COX10: variants seen among roughly 807,000 people sequenced by gnomAD.
COX10 encodes cytochrome c oxidase assembly factor heme A:farnesyltransferase COX10.
In COX10, 27 loss-of-function variants were observed where a neutral mutation model predicts 37.3. The observed-to-expected ratio is 0.72, with a 90% CI of 0.53 to 1.00. The LOEUF is 1.00. COX10 is among the 50% of genes least tolerant of loss of function. The pLI is 0.00. For synonymous variants in COX10, 222 were observed against 229.1 expected (o/e 0.97, Z 0.28); for missense variants, 475 against 563.2 (o/e 0.84, Z 1.59).
At chr17:14,124,527 G>C (rs745431532) in intron 4 of COX10, among the ~76,000 whole-genome samples, 21 of 151,980 alleles carry the variant, frequency 1.4e-4, no homozygotes, top group Non-Finnish European at 2.4e-4. Context: ...GTGCTTTTTT[G>C]GTAAATGTTT....
intron 4 of COX10, among the ~76,000 whole-genome samples, chr17:14,154,288 A>G (rs1399301412): frequency 6.6e-6 from 1 of 152,196 alleles, no homozygotes; most frequent in Non-Finnish European, 1.5e-5. Context: ...TGTCGATTAT[A>G]CCTTAATGAA....
Position 14,069,814 on chromosome 17 carries a change from T to C in COX10, c.43+166T>C, listed in dbSNP as rs2302107. Among the ~76,000 whole-genome samples the C allele has an allele frequency of 0.24, 35,986 of 151,994 alleles. 4,427 individuals are homozygous for C. Among genetic ancestry groups the C allele is most frequent in the Non-Finnish European group, 0.26 (17,928 of 67,942 alleles). On this transcript the variant is annotated intron_variant, in intron 1 of 6. Transcript: ENST00000261643. Reference sequence around the variant, plus strand: ...TCTGGAGTAGCTTGGAGTGAAGAGGTCACGGAGCTAGGGTCCAGTCTTGCA... The same window carrying C: ...TCTGGAGTAGCTTGGAGTGAAGAGGCCACGGAGCTAGGGTCCAGTCTTGCA...
At chr17:14,116,978 A>G (rs1597507111) in intron 4 of COX10, among the ~76,000 whole-genome samples, 1 of 152,210 alleles carries the variant, frequency 6.6e-6, no homozygotes, top group African/African-American at 2.4e-5. Flanking sequence ...ACACTGGTCA[A>G]CACATTCTTT....
chr17:14,074,272 A>T, intron 1 of COX10, 51 bp from the exon 2 acceptor site: 1 of 1,611,340 alleles, frequency 6.2e-7, no homozygotes, highest in Non-Finnish European at 8.5e-7. Flanking sequence ...TCATCATTTG[A>T]TAAGAAGTAC....
chr17:14,102,088 CAGT>C, intron 3 of COX10, 27 bp from the exon 4 acceptor site: 4 of 1,613,204 alleles, frequency 2.5e-6, no homozygotes, highest in Non-Finnish European at 2.5e-6. Context: ...CTGTTGGTAA[CAGT>C]GTGTCTGCTC....
Position 14,186,654 on chromosome 17 carries a change from A to G in COX10, c.696-5335A>G, listed in dbSNP as rs144939509. 6.4e-3 allele frequency among the ~76,000 whole-genome samples: 936 copies of G among 145,530 alleles called. 6 individuals are homozygous for G. Among genetic ancestry groups the G allele is most frequent in the African/African-American group, 0.013 (501 of 38,728 alleles). On this transcript the variant is annotated intron_variant, in intron 5 of 6. Transcript: ENST00000261643. ...CACCACATTATATACAGTTGTTTCG[A>G]TTTCAGGGAATGCAGTATTAGGCTA...
chr17:14,101,970 C>CT lies in COX10; in HGVS notation c.500-142dup, dbSNP rs1473291592. The CT allele has an allele frequency of 6.3e-6, 6 of 952,338 alleles. No homozygotes were observed. The African/African-American group carries it at 1.0e-4, about 16-fold the overall frequency. The allele number at this position is 952,338 out of a possible 1,614,324, so 59.0% of individuals were successfully genotyped here. A position where few individuals can be genotyped will look rare whatever the true frequency, so the allele number is the denominator to read the frequency against. On this transcript the variant is annotated intron_variant, in intron 3 of 6. Coordinates refer to ENST00000261643, the MANE Select transcript of COX10 (RefSeq NM_001303.4). ...TTTTTATAATCAGAAAAATGTGGAT[C>CT]TTTTTTAAGCCAAAGATCAGCCTGT...
chr17:14,083,798 G>T (rs1319754683), intron 3 of COX10, among the ~76,000 whole-genome samples: 1 of 152,194 alleles, frequency 6.6e-6, no homozygotes, highest in African/African-American at 2.4e-5. Flanking sequence ...GGAGTTTGTT[G>T]CATGGACCAC....
intron 4 of COX10, among the ~76,000 whole-genome samples, chr17:14,105,508 T>C (rs1253770403): frequency 6.6e-6 from 1 of 152,190 alleles, no homozygotes; most frequent in Non-Finnish European, 1.5e-5. Flanking sequence ...CAGAGCATAT[T>C]TACATAAATT....
intron 5 of COX10, among the ~76,000 whole-genome samples, chr17:14,184,611 A>G (rs1905971112): frequency 6.6e-6 from 1 of 152,192 alleles, no homozygotes; most frequent in Non-Finnish European, 1.5e-5. Flanking sequence ...AACAAAGTAG[A>G]TAGTGCAGGC....
intron 4 of COX10, 69 bp from the exon 5 acceptor site, chr17:14,159,808 A>T: frequency 8.6e-7 from 1 of 1,162,236 alleles, no homozygotes; most frequent in East Asian, 2.5e-5. Flanking sequence ...AAAAATGTTC[A>T]GTACTAAAGC....
intron 3 of COX10, among the ~76,000 whole-genome samples, chr17:14,084,694 C>G (rs1028349784): frequency 6.6e-6 from 1 of 152,162 alleles, no homozygotes; most frequent in South Asian, 2.1e-4. Flanking sequence ...AAATTTCGCT[C>G]TTGTCACCCA....
chr17:14,199,954 C>T (rs541419289), intron 6 of COX10, among the ~76,000 whole-genome samples: 3 of 152,292 alleles, frequency 2.0e-5, no homozygotes, highest in South Asian at 2.1e-4. Flanking sequence ...GGAGCAGACG[C>T]GCTACCGTGG....
chr17:14,108,988 G>C (rs1915957261), intron 4 of COX10, among the ~76,000 whole-genome samples: 1 of 151,962 alleles, frequency 6.6e-6, no homozygotes, highest in Admixed American at 6.6e-5. Context: ...CCAGTGATGT[G>C]ATTTATTGAA....
chr17:14,152,451 A>G (rs1423418409), intron 4 of COX10, among the ~76,000 whole-genome samples: 1 of 152,200 alleles, frequency 6.6e-6, no homozygotes, highest in Non-Finnish European at 1.5e-5. Context: ...CTCTCCCACC[A>G]GGTCCCTCCC....
intron 5 of COX10, among the ~76,000 whole-genome samples, chr17:14,189,658 G>A (rs1410934405): frequency 3.3e-5 from 5 of 152,114 alleles, no homozygotes; most frequent in Non-Finnish European, 7.4e-5. Context: ...GTTTATTTTG[G>A]TGCAAAAAAT....
chr17:14,150,274 A>G (rs1294134084), intron 4 of COX10, among the ~76,000 whole-genome samples: 1 of 152,138 alleles, frequency 6.6e-6, no homozygotes, highest in Non-Finnish European at 1.5e-5. Flanking sequence ...CCTGTCTCAA[A>G]AAAAAAAGGA....
intron 4 of COX10, among the ~76,000 whole-genome samples, chr17:14,157,090 T>G (rs1429994218): frequency 6.6e-6 from 1 of 152,232 alleles, no homozygotes; most frequent in Non-Finnish European, 1.5e-5. Flanking sequence ...TCATATAATT[T>G]TCACATGCCA....
At chr17:14,163,306 A>G (rs1905209328) in intron 5 of COX10, among the ~76,000 whole-genome samples, 1 of 151,632 alleles carries the variant, frequency 6.6e-6, no homozygotes, top group Non-Finnish European at 1.5e-5. Context: ...CCCAGGCTAG[A>G]GTGAGTGGCG....
Sources: gnomAD v4.1 joint callset for allele counts (sites outside exome capture counted in the v4.1 genomes callset) on GRCh38, gnomAD v4.1.1 for gene constraint, MANE v1.5 for transcripts, NCBI Gene and HGNC (gene_info 2026-07-23, HGNC 2026-07-21) for gene names.